The following RESF1 variants were observed in gnomAD, a reference collection of about 807,000 sequenced individuals.
The protein encoded by RESF1 is gonad expressed transcript.
In RESF1, 65 loss-of-function variants were observed where a neutral mutation model predicts 134.7. The ratio of observed to expected loss-of-function variants is 0.48; its 90% CI spans 0.40 to 0.59. The LOEUF (loss-of-function observed/expected upper bound fraction) is 0.59, where lower values mean the gene tolerates loss of function less well. Among genes scored for constraint, RESF1 ranks in the 20% least tolerant of loss-of-function variants. The pLI is 0.00. For missense variants in RESF1, 2,274 were observed against 2,002.7 expected, an observed-to-expected ratio of 1.14 and a Z score of -2.59; for synonymous variants, 762 against 702.2, an observed-to-expected ratio of 1.09 and a Z score of -1.35.
At position 31,974,675 on chromosome 12, in the gene RESF1, A is replaced by G. The variant is rs544618523; in HGVS notation, c.-79+4319A>G. On this transcript the variant is annotated intron_variant, in intron 3 of 5. Coordinates refer to ENST00000312561, the MANE Select transcript of RESF1 (RefSeq NM_018169.4). Reference sequence around the variant, plus strand: ...ACACTGAGGGTCAGGGCTTTCACTTATGAATTTTGGGGAGGGTACAATTCA... The same window carrying G: ...ACACTGAGGGTCAGGGCTTTCACTTGTGAATTTTGGGGAGGGTACAATTCA... 1.1e-4 allele frequency among the ~76,000 whole-genome samples: 16 copies of G among 152,160 alleles called. No individual in the cohort carries two copies. The South Asian group carries it at 3.3e-3, about 32-fold the overall frequency.
chr12:31,967,684 G>A (rs979915734), intron 2 of RESF1, among the ~76,000 whole-genome samples: 5 of 144,794 alleles, frequency 3.5e-5, no homozygotes, highest in Admixed American at 2.2e-4. Context: ...TTGTGTGTGT[G>A]TGTGTTTTTC....
At position 31,982,433 on chromosome 12, in the gene RESF1, A is replaced by G. The variant is rs377047791; in HGVS notation, c.1478A>G (p.Asn493Ser). 1.9e-5 allele frequency: 31 copies of G among 1,614,068 alleles called. No homozygotes were observed. The highest frequency in any genetic ancestry group is 6.6e-5 in the South Asian group (6 of 91,086). The change falls in exon 4 of 6, where the codon AAT becomes AGT. Residue 493 changes from asparagine to serine, a missense_variant. Transcript: ENST00000312561. ...CMLNSDIQEV[N>S]CRRFNQVDSV... is the part of the protein sequence containing the mutation. The stretch of plus-strand genomic sequence containing the variant: ...TTGAATTCTGACATTCAGGAAGTCA[A>G]TTGCAGAAGGTTTAACCAAGTTGAT...
At chr12:31,963,860 A>T (rs1592248926) in intron 2 of RESF1, among the ~76,000 whole-genome samples, 1 of 152,168 alleles carries the variant, frequency 6.6e-6, no homozygotes, top group African/African-American at 2.4e-5. Flanking sequence ...TAACACATGT[A>T]TGTTACTTCA....
intron 5 of RESF1, among the ~76,000 whole-genome samples, 155 bp downstream of exon 5, chr12:31,987,477 A>T (rs1427854256): frequency 1.3e-5 from 2 of 150,290 alleles, no homozygotes; most frequent in Non-Finnish European, 3.0e-5. Context: ...GTAGGAGGAC[A>T]TTTTTGTGTT....
intron 2 of RESF1, among the ~76,000 whole-genome samples, chr12:31,964,331 C>A (rs529738481): frequency 6.6e-6 from 1 of 152,052 alleles, no homozygotes; most frequent in South Asian, 2.1e-4. Context: ...GTGTGTTGAG[C>A]CCCTCTACAT....
chr12:31,991,524 G>A (rs962649953), intron 5 of RESF1, among the ~76,000 whole-genome samples: 16 of 152,214 alleles, frequency 1.1e-4, no homozygotes, highest in African/African-American at 3.9e-4. Flanking sequence ...TGACTTGGCA[G>A]TGGTTTGACT....
chr12:31,980,800 G>C, intron 3 of RESF1, 78 bp from the exon 4 acceptor site: 1 of 582,850 alleles, frequency 1.7e-6, no homozygotes, highest in Non-Finnish European at 2.9e-6. Flanking sequence ...AATTAGGATG[G>C]ACAGTCAGCT....
At chr12:31,971,341 C>A (rs1939502659) in intron 3 of RESF1, among the ~76,000 whole-genome samples, 2 of 152,142 alleles carry the variant, frequency 1.3e-5, no homozygotes, top group African/African-American at 4.8e-5. Context: ...GGGGTTTCAC[C>A]AGGTTGGTCA....
In RESF1 at chr12:31,984,726, A is replaced by G; in HGVS notation, c.3771A>G (p.Lys1257=). The change falls in exon 4 of 6, where the codon AAA becomes AAG. Residue 1257 remains lysine (K), a synonymous_variant. Coordinates refer to ENST00000312561, the MANE Select transcript of RESF1 (RefSeq NM_018169.4). ...CTGAACTACAAGACGACAGTAGAAAAGATACACCCAAAACAAAACATAAAA... is the reference window on the plus strand; with the variant it reads ...CTGAACTACAAGACGACAGTAGAAAGGATACACCCAAAACAAAACATAAAA... ...HFPELQDDSR[K]DTPKTKHKSL... is the part of the protein sequence containing the mutation. 6.2e-7 allele frequency: 1 copy of G among 1,605,676 alleles called. No individual in the cohort carries two copies. Among genetic ancestry groups the G allele is most frequent in the Non-Finnish European group, 8.5e-7 (1 of 1,178,106 alleles).
intron 5 of RESF1, among the ~76,000 whole-genome samples, chr12:31,989,108 AAG>A (rs1940039165): frequency 6.6e-6 from 1 of 151,814 alleles, no homozygotes; most frequent in South Asian, 2.1e-4. Context: ...TAAATGGGCA[AAG>A]AGGGGGCTGG....
intron 5 of RESF1, among the ~76,000 whole-genome samples, chr12:31,989,933 G>A (rs1046384454): frequency 6.6e-6 from 1 of 152,074 alleles, no homozygotes; most frequent in African/African-American, 2.4e-5. Flanking sequence ...ATCAGAACAG[G>A]ACAAATAACC....
At chr12:31,967,937 A>G (rs1348294244) in intron 2 of RESF1, among the ~76,000 whole-genome samples, 1 of 152,228 alleles carries the variant, frequency 6.6e-6, no homozygotes, top group African/African-American at 2.4e-5. Flanking sequence ...TAGAAAGCCT[A>G]TTTAAGGACT....
In RESF1 at chr12:31,981,853, C is replaced by T. The variant is rs1189407483; in HGVS notation, c.898C>T (p.His300Tyr). Residue 300 changes from histidine to tyrosine, a missense_variant, in exon 4 of 6, where the codon CAC becomes TAC. His to Tyr is a moderately conservative substitution (Grantham distance 83, BLOSUM62 2). Coordinates refer to ENST00000312561, the MANE Select transcript of RESF1 (RefSeq NM_018169.4). ...PLQSTQHITK[H>Y]LSMEVPQSRE... Reference sequence around the variant, plus strand: ...GCAAAGTACTCAGCATATTACTAAACACTTGTCTATGGAAGTTCCTCAGAG... The same window carrying T: ...GCAAAGTACTCAGCATATTACTAAATACTTGTCTATGGAAGTTCCTCAGAG... The T allele has an allele frequency of 3.1e-6, 5 of 1,614,110 alleles. No individual in the cohort carries two copies. Among genetic ancestry groups the T allele is most frequent in the Non-Finnish European group, 3.4e-6 (4 of 1,180,038 alleles).
chr12:31,968,582 G>A (rs986529642), intron 2 of RESF1, among the ~76,000 whole-genome samples: 2 of 151,782 alleles, frequency 1.3e-5, no homozygotes, highest in Non-Finnish European at 2.9e-5. Context: ...CCGAGTAGCT[G>A]GGATTACAGG....
rs757463058 is a variant in RESF1, at chr12:31,982,730, G to C, written c.1775G>C (p.Arg592Pro). Reference sequence around the variant, plus strand: ...CTTCTCGCTTTGCTTTCACAGGCACGTAAGACTCAGAAGACAGTATTAAAA... The same window carrying C: ...CTTCTCGCTTTGCTTTCACAGGCACCTAAGACTCAGAAGACAGTATTAAAA... ...MLLLALLSQA[R>P]KTQKTVLKDA... is the part of the protein sequence containing the mutation. The change falls in exon 4 of 6, where the codon CGT becomes CCT. Residue 592 changes from arginine (R) to proline (P), a missense_variant. Transcript: ENST00000312561. 5.6e-6 allele frequency: 9 copies of C among 1,613,824 alleles called. No individual in the cohort carries two copies. The highest frequency in any genetic ancestry group is 7.6e-6 in the Non-Finnish European group (9 of 1,179,772).
rs1351398915 is a variant in RESF1 at position 31,981,835 on chromosome 12, A to T, written c.880A>T (p.Thr294Ser). Residue 294 changes from threonine to serine, a missense_variant, in exon 4 of 6, where the codon ACT (threonine) becomes TCT (serine). Transcript: ENST00000312561. ...CRYGSQPLQS[T>S]QHITKHLSME... ...ATATGGAAGCCAGCCTTTGCAAAGT[A>T]CTCAGCATATTACTAAACACTTGTC... 3.1e-6 allele frequency: 5 copies of T among 1,613,980 alleles called. No individual in the cohort carries two copies. The highest frequency in any genetic ancestry group is 1.3e-5 in the African/African-American group (1 of 74,922).
rs776617425 is a variant in RESF1, at chr12:31,981,663, T to C, written c.708T>C (p.Phe236=). The C allele has an allele frequency of 6.2e-7, 1 of 1,613,918 alleles. No individual in the cohort carries two copies. ...LPDSTIQKQN[F]IPHTSLQVKN... is the part of the protein sequence containing the mutation. Reference sequence around the variant, plus strand: ...ATTCTACCATTCAAAAACAAAACTTTATACCACATACATCATTGCAAGTTA... The same window carrying C: ...ATTCTACCATTCAAAAACAAAACTTCATACCACATACATCATTGCAAGTTA... Residue 236 remains phenylalanine, a synonymous_variant, in exon 4 of 6, where the codon TTT becomes TTC. Transcript: ENST00000312561.
chr12:31,980,634 G>C (rs970808594), intron 3 of RESF1, among the ~76,000 whole-genome samples: 3 of 152,056 alleles, frequency 2.0e-5, no homozygotes, highest in African/African-American at 7.2e-5. Flanking sequence ...AAGGTGATTG[G>C]CATTTAAATG....
chr12:31,982,567 G>A lies in RESF1; in HGVS notation c.1612G>A (p.Val538Ile), dbSNP rs752220184. 21 of 1,613,896 alleles carry A rather than the reference G, an allele frequency of 1.3e-5. 2 individuals carry two copies. Among genetic ancestry groups the A allele is most frequent in the East Asian group, 8.9e-5 (4 of 44,886 alleles). Reference protein sequence around the residue: ...KTSAVEMTQAVLNTQLSSENV... With the variant: ...KTSAVEMTQAILNTQLSSENV... ...ATCAGCTGTTGAGATGACCCAGGCA[G>A]TATTGAATACTCAGCTTTCATCAGA... is the stretch of plus-strand genomic sequence containing the variant. The change falls in exon 4 of 6, where the codon GTA (valine) becomes ATA (isoleucine). Residue 538 changes from valine to isoleucine, a missense_variant. By Grantham distance (29) the Val-to-Ile change is conservative. Coordinates refer to ENST00000312561, the MANE Select transcript of RESF1 (RefSeq NM_018169.4).
Sources: allele counts gnomAD v4.1 joint callset (sites outside exome capture counted in the v4.1 genomes callset), GRCh38; gene constraint gnomAD v4.1.1; transcripts MANE v1.5; gene names NCBI Gene and HGNC (gene_info 2026-07-23, HGNC 2026-07-21).